The following RGPD2 variants were observed in gnomAD, a reference collection of about 807,000 sequenced individuals.
RGPD2 encodes the protein RANBP2-like and GRIP domain-containing protein 2.
Under a neutral mutation model 36.0 loss-of-function variants are expected in RGPD2, and 2 were observed. The observed-to-expected ratio is 0.06, with a 90% CI of 0.02 to 0.17. The LOEUF (loss-of-function observed/expected upper bound fraction) is 0.17. Among genes scored for constraint, RGPD2 ranks in the 10% least tolerant of loss-of-function variants. RGPD2 has a pLI of 1.00. For missense variants in RGPD2, 40 were observed against 464.3 expected (o/e 0.09, Z 8.40); for synonymous variants, 19 against 163.8 (o/e 0.12, Z 6.75).
chr2:87,832,941 TATAA>T, the RGPD2 span, among the ~76,000 whole-genome samples: 110 of 142,812 alleles, frequency 7.7e-4, 1 homozygote, highest in Non-Finnish European at 9.6e-4. Flanking sequence ...AGTCTCTGTC[TATAA>T]ATAAATAAAT....
intron 4 of RGPD2, among the ~76,000 whole-genome samples, chr2:87,814,812 T>C (rs1205309363): frequency 1.5e-4 from 1 of 6,574 alleles, no homozygotes; most frequent in African/African-American, 9.2e-4. Context: ...GGCAGGAGAA[T>C]TGCTTGAACC....
chr2:87,921,030 C>G, the RGPD2 span, among the ~76,000 whole-genome samples: 2 of 149,974 alleles, frequency 1.3e-5, no homozygotes, highest in African/African-American at 4.9e-5. Flanking sequence ...AACCCACGGG[C>G]ATCTTGATAA....
the RGPD2 span, among the ~76,000 whole-genome samples, chr2:87,956,766 G>C: frequency 1.8e-5 from 2 of 112,350 alleles, no homozygotes; most frequent in African/African-American, 6.5e-5. Flanking sequence ...CTAAGAAATA[G>C]GAGCTTCCTT....
At chr2:87,884,089 T>A in the RGPD2 span, among the ~76,000 whole-genome samples, 8 of 152,134 alleles carry the variant, frequency 5.3e-5, no homozygotes. Flanking sequence ...AGAAATCATA[T>A]CAAGTATCAT....
At chr2:87,960,359 C>A in the RGPD2 span, among the ~76,000 whole-genome samples, 1 of 94,614 alleles carries the variant, frequency 1.1e-5, no homozygotes, top group Non-Finnish European at 2.1e-5. Flanking sequence ...TCTCTTCATG[C>A]AATAATTCCA....
the RGPD2 span, among the ~76,000 whole-genome samples, chr2:87,948,548 AT>A: frequency 6.9e-6 from 1 of 145,642 alleles, no homozygotes. Flanking sequence ...CACCCTGCTA[AT>A]TTTGTATTTT....
chr2:87,864,475 G>C, the RGPD2 span, among the ~76,000 whole-genome samples: 1 of 152,186 alleles, frequency 6.6e-6, no homozygotes, highest in Non-Finnish European at 1.5e-5. Context: ...TCTCTTTCTG[G>C]TCCCCCAGCT....
chr2:87,846,260 A>C, the RGPD2 span, among the ~76,000 whole-genome samples: 1 of 152,074 alleles, frequency 6.6e-6, no homozygotes, highest in Non-Finnish European at 1.5e-5. Flanking sequence ...CGAAGGTAAG[A>C]AACCATTAAT....
chr2:87,809,572 G>T (rs1292933963), intron 6 of RGPD2, among the ~76,000 whole-genome samples: 128 of 138,752 alleles, frequency 9.2e-4, no homozygotes, highest in African/African-American at 3.2e-3. Flanking sequence ...AGGAGGCTGA[G>T]GCAGAAGAAT....
the RGPD2 span, among the ~76,000 whole-genome samples, chr2:87,842,342 G>A: frequency 6.7e-6 from 1 of 148,746 alleles, no homozygotes; most frequent in Non-Finnish European, 1.5e-5. Context: ...TCCGTAAGCT[G>A]ATAAGCAACT....
chr2:87,828,114 A>AT (rs1270403951), upstream of RGPD2, among the ~76,000 whole-genome samples: 1 of 150,126 alleles, frequency 6.7e-6, no homozygotes, highest in Non-Finnish European at 1.5e-5. Flanking sequence ...ATACATTCAA[A>AT]TTTTATACCT....
chr2:87,854,053 G>A, the RGPD2 span, among the ~76,000 whole-genome samples: 13 of 151,424 alleles, frequency 8.6e-5, no homozygotes, highest in African/African-American at 2.9e-4. Flanking sequence ...ACAGAATCGT[G>A]TGTGCTGAAA....
At chr2:87,833,981 G>A in the RGPD2 span, among the ~76,000 whole-genome samples, 7 of 38,822 alleles carry the variant, frequency 1.8e-4, no homozygotes, top group South Asian at 8.1e-4. Flanking sequence ...AATCTGATAC[G>A]TAAATTATAA....
At chr2:87,919,811 G>A in the RGPD2 span, among the ~76,000 whole-genome samples, 58 of 150,358 alleles carry the variant, frequency 3.9e-4, no homozygotes, top group African/African-American at 1.2e-3. Context: ...ATATAATTTC[G>A]TGTAATCAAC....
the RGPD2 span, among the ~76,000 whole-genome samples, chr2:87,924,790 T>C: frequency 7.8e-6 from 1 of 128,610 alleles, no homozygotes; most frequent in African/African-American, 3.2e-5. Flanking sequence ...ACTACATAGA[T>C]TAAATATTTG....
the RGPD2 span, among the ~76,000 whole-genome samples, chr2:87,942,652 C>G: frequency 6.7e-6 from 1 of 150,050 alleles, no homozygotes; most frequent in Non-Finnish European, 1.5e-5. Flanking sequence ...TGAAAATACA[C>G]AATAAATTAC....
At chr2:87,857,484 A>T in the RGPD2 span, among the ~76,000 whole-genome samples, 7 of 151,560 alleles carry the variant, frequency 4.6e-5, no homozygotes, top group Non-Finnish European at 1.5e-5. Context: ...CTGGGACTAC[A>T]GGCGCCCGCC....
the RGPD2 span, among the ~76,000 whole-genome samples, chr2:87,884,239 T>C: frequency 6.6e-6 from 1 of 151,820 alleles, no homozygotes; most frequent in Non-Finnish European, 1.5e-5. Context: ...TTAAATAATA[T>C]CTTGAGAAAA....
chr2:87,955,228 A>C, the RGPD2 span, among the ~76,000 whole-genome samples: 2 of 145,192 alleles, frequency 1.4e-5, no homozygotes, highest in African/African-American at 5.2e-5. Flanking sequence ...GTTAGCCAGG[A>C]TGGTCTCGAT....
Sources: allele counts gnomAD v4.1 joint callset (sites outside exome capture counted in the v4.1 genomes callset), GRCh38; gene constraint gnomAD v4.1.1; transcripts MANE v1.5; gene names NCBI Gene and HGNC (gene_info 2026-07-23, HGNC 2026-07-21).